The following ADCY2 variants were observed in gnomAD, a reference collection of about 807,000 sequenced individuals.
ADCY2 encodes the protein adenylate cyclase 2, also known as adenylate cyclase type 2.
ADCY2 carries 31 observed loss-of-function variants against 125.2 expected under a neutral mutation model. That is an observed-to-expected ratio of 0.25 (90% CI 0.19 to 0.33). ADCY2 has a LOEUF of 0.33. Among genes scored for constraint, ADCY2 ranks in the 10% least tolerant of loss-of-function variants. The probability of loss-of-function intolerance (pLI) is 1.00; values close to 1 mark genes in which losing one functional copy is unlikely to be tolerated. For missense variants in ADCY2, 904 were observed against 1,418.2 expected (o/e 0.64, Z 5.82); for synonymous variants, 512 against 548.4 (o/e 0.93, Z 0.93).
chr5:7,465,970 T>G (rs1742099369), intron 2 of ADCY2, among the ~76,000 whole-genome samples: 1 of 152,194 alleles, frequency 6.6e-6, no homozygotes, highest in South Asian at 2.1e-4. Flanking sequence ...GGAGAAAATC[T>G]TGGAAAATAA....
At chr5:7,449,888 C>T (rs1365711321) in intron 2 of ADCY2, among the ~76,000 whole-genome samples, 1 of 152,144 alleles carries the variant, frequency 6.6e-6, no homozygotes, top group African/African-American at 2.4e-5. Flanking sequence ...GCTATAGTGA[C>T]CTGTGACCCA....
intron 19 of ADCY2, among the ~76,000 whole-genome samples, chr5:7,786,293 G>A (rs1744080156): frequency 6.6e-6 from 1 of 152,182 alleles, no homozygotes; most frequent in Non-Finnish European, 1.5e-5. Flanking sequence ...CTGTGATCCA[G>A]TGCTTTAGTA....
At chr5:7,518,833 G>A (rs1212770676) in intron 2 of ADCY2, among the ~76,000 whole-genome samples, 9 of 152,162 alleles carry the variant, frequency 5.9e-5, no homozygotes, top group South Asian at 4.1e-4. Context: ...CTCTCAGGAC[G>A]CAGACTGTGA....
At chr5:7,647,314 G>A (rs961761376) in intron 4 of ADCY2, among the ~76,000 whole-genome samples, 10 of 152,130 alleles carry the variant, frequency 6.6e-5, no homozygotes, top group African/African-American at 1.9e-4. Context: ...AAATCTTCCC[G>A]AGACAAATTG....
At chr5:7,402,094 T>C (rs1374023613) in intron 1 of ADCY2, among the ~76,000 whole-genome samples, 1 of 152,222 alleles carries the variant, frequency 6.6e-6, no homozygotes, top group Admixed American at 6.5e-5. Flanking sequence ...TAAATACTGG[T>C]GACTGCTCTA....
In ADCY2 at chr5:7,699,043, G is replaced by A. The variant is rs192648417; in HGVS notation, c.1109+669G>A. 9.9e-3 allele frequency among the ~76,000 whole-genome samples: 1,238 copies of A among 125,448 alleles called. 15 individuals are homozygous for A. The highest frequency in any genetic ancestry group is 0.035 in the South Asian group (123 of 3,480). 82.3% of individuals were successfully genotyped at this position (125,448 alleles called of 152,430 possible). A position where few individuals can be genotyped will look rare whatever the true frequency, so the allele number is the denominator to read the frequency against. On this transcript the variant is annotated intron_variant, in intron 7 of 24. Coordinates refer to ENST00000338316, the MANE Select transcript of ADCY2 (RefSeq NM_020546.3). ...CTCCTATTTCTCCACATCCTCTCCAGCATCTGTTGTTTCCTGAGTCAGGAA... is the reference window on the plus strand; with the variant it reads ...CTCCTATTTCTCCACATCCTCTCCAACATCTGTTGTTTCCTGAGTCAGGAA...
chr5:7,765,724 G>C (rs1439718716), intron 16 of ADCY2, among the ~76,000 whole-genome samples: 1 of 152,154 alleles, frequency 6.6e-6, no homozygotes, highest in Non-Finnish European at 1.5e-5. Context: ...TTTAAACCTT[G>C]AATATGTATG....
At chr5:7,453,575 G>C (rs1741552953) in intron 2 of ADCY2, among the ~76,000 whole-genome samples, 1 of 152,184 alleles carries the variant, frequency 6.6e-6, no homozygotes, top group Non-Finnish European at 1.5e-5. Context: ...TTTAGAGCAG[G>C]AGTGAAATTG....
At chr5:7,591,682 G>A (rs1282653198) in intron 3 of ADCY2, among the ~76,000 whole-genome samples, 1 of 152,176 alleles carries the variant, frequency 6.6e-6, no homozygotes, top group Non-Finnish European at 1.5e-5. Flanking sequence ...TCAGCCATGA[G>A]CCCTCAAACC....
chr5:7,747,023 G>T (rs573339712), intron 15 of ADCY2, among the ~76,000 whole-genome samples: 7 of 152,082 alleles, frequency 4.6e-5, no homozygotes, highest in Non-Finnish European at 8.8e-5. Context: ...TAGAAAAATC[G>T]TACAGGTATT....
intron 4 of ADCY2, among the ~76,000 whole-genome samples, chr5:7,684,775 CT>C (rs10662818): frequency 1.3e-3 from 188 of 141,424 alleles, no homozygotes; most frequent in African/African-American, 4.5e-3. Flanking sequence ...TCTGTTGTGC[CT>C]TTTTTTTTTT....
chr5:7,482,452 G>C (rs1367688660), intron 2 of ADCY2, among the ~76,000 whole-genome samples: 1 of 151,996 alleles, frequency 6.6e-6, no homozygotes, highest in African/African-American at 2.4e-5. Context: ...AGTCCTATTA[G>C]TCTATTTCAT....
intron 2 of ADCY2, among the ~76,000 whole-genome samples, chr5:7,480,234 A>G (rs959720515): frequency 6.6e-6 from 1 of 152,034 alleles, no homozygotes; most frequent in Non-Finnish European, 1.5e-5. Flanking sequence ...AGACAGAAAT[A>G]CCAATCTCAT....
chr5:7,644,374 G>T (rs1345024847), intron 4 of ADCY2, among the ~76,000 whole-genome samples: 2 of 152,054 alleles, frequency 1.3e-5, no homozygotes, highest in Admixed American at 1.3e-4. Flanking sequence ...TCAGTTCTCT[G>T]ACTTCTTTTT....
At chr5:7,545,902 A>G (rs13436413) in intron 3 of ADCY2, among the ~76,000 whole-genome samples, 43,704 of 152,062 alleles carry the variant, frequency 0.29, 6,437 homozygotes, top group South Asian at 0.33. Flanking sequence ...TCTCCAGGCA[A>G]GTTGTCTGCG....
chr5:7,788,455 C>T (rs551109286), intron 19 of ADCY2, among the ~76,000 whole-genome samples: 1 of 152,344 alleles, frequency 6.6e-6, no homozygotes. Flanking sequence ...GCTGGGATTA[C>T]AGGCATGAGC....
At chr5:7,554,642 A>G (rs560836509) in intron 3 of ADCY2, among the ~76,000 whole-genome samples, 15 of 152,262 alleles carry the variant, frequency 9.9e-5, no homozygotes, top group East Asian at 5.8e-4. Flanking sequence ...TCCTTTAATC[A>G]TCAAGTTTTT....
At chr5:7,626,040 A>G (rs1464396228) in intron 3 of ADCY2, 127 bp from the exon 4 acceptor site, 1 of 1,062,616 alleles carries the variant, frequency 9.4e-7, no homozygotes, top group Non-Finnish European at 1.4e-6. Flanking sequence ...GTTACTTTGG[A>G]AACAGAAGTA....
At chr5:7,779,028 C>T (rs937526782) in intron 18 of ADCY2, among the ~76,000 whole-genome samples, 1 of 152,108 alleles carries the variant, frequency 6.6e-6, no homozygotes, top group Admixed American at 6.6e-5. Context: ...CTCAGCTTTC[C>T]CCACTCTGCC....
Sources: allele counts gnomAD v4.1 joint callset (sites outside exome capture counted in the v4.1 genomes callset), GRCh38; gene constraint gnomAD v4.1.1; transcripts MANE v1.5; gene names NCBI Gene and HGNC (gene_info 2026-07-23, HGNC 2026-07-21).